Variants in HMGB1 observed in about 807,000 individuals in gnomAD.
HMGB1 encodes the protein high mobility group protein B1.
For synonymous variants in HMGB1, 81 were observed against 84.0 expected (o/e 0.96, Z 0.19); for missense variants, 79 against 253.5 (o/e 0.31, Z 4.67).
chr13:30,518,754 G>GA (rs1888156443), intron 1 of HMGB1, among the ~76,000 whole-genome samples: 1 of 147,438 alleles, frequency 6.8e-6, no homozygotes, highest in South Asian at 2.1e-4. Context: ...GCCTAGGATG[G>GA]AGCACAGTGT....
chr13:30,600,282 G>A (rs748400122), intron 1 of HMGB1, among the ~76,000 whole-genome samples: 3 of 152,212 alleles, frequency 2.0e-5, no homozygotes, highest in African/African-American at 4.8e-5. Flanking sequence ...TCAGATCACA[G>A]TCTTAAAATA....
chr13:30,458,709 T>C lies in HMGB1; in HGVS notation c.*2648A>G, dbSNP rs1886114904. The C allele has an allele frequency of 6.6e-6, 1 of 152,248 alleles. No individual in the cohort carries two copies. The highest frequency in any genetic ancestry group is 2.1e-4 in the South Asian group (1 of 4,836). The allele number at this position is 152,248 out of a possible 1,614,324, so 9.4% of individuals were successfully genotyped here. ...TTCCTTAGGTAGTAAGGGAAATACC[T>C]GTTGAATGGCAGTTTGTGTTACATG... On this transcript the variant is annotated 3_prime_UTR_variant, in exon 5 of 5. Transcript: ENST00000341423.
intron 1 of HMGB1, among the ~76,000 whole-genome samples, chr13:30,603,497 G>A (rs558471335): frequency 2.6e-4 from 40 of 152,280 alleles, no homozygotes; most frequent in African/African-American, 9.1e-4. Flanking sequence ...CTGAGGTTAT[G>A]TTAACATGCT....
At chr13:30,584,149 C>T (rs1871041314) in intron 1 of HMGB1, among the ~76,000 whole-genome samples, 2 of 152,122 alleles carry the variant, frequency 1.3e-5, no homozygotes, top group Non-Finnish European at 2.9e-5. Context: ...AACTTCTTTA[C>T]CCTAATCAAC....
At chr13:30,593,252 C>A (rs1343372655) in intron 1 of HMGB1, among the ~76,000 whole-genome samples, 3 of 152,308 alleles carry the variant, frequency 2.0e-5, no homozygotes, top group Middle Eastern at 3.4e-3. Flanking sequence ...CTGCTCCTGT[C>A]CTCTGTGGCA....
rs1371568488 is a variant in HMGB1, at chr13:30,462,665, C to G, written c.344G>C (p.Gly115Ala). Residue 115 changes from glycine (G) to alanine (A), a missense_variant, in exon 4 of 5, where the codon GGA (glycine) becomes GCA (alanine). Physicochemically the swap from Gly to Ala is moderately conservative, Grantham distance 60 (BLOSUM62 0). Coordinates refer to ENST00000341423, the MANE Select transcript of HMGB1 (RefSeq NM_002128.7). ...FCSEYRPKIKGEHPGLSIGDV... is the reference protein window; with the variant it reads ...FCSEYRPKIKAEHPGLSIGDV... ...ACCAATGGACAGGCCAGGATGTTCTCCTTTGATTTTTGGGCGATACTCAGA... is the reference window on the plus strand; with the variant it reads ...ACCAATGGACAGGCCAGGATGTTCTGCTTTGATTTTTGGGCGATACTCAGA... 1 of 1,612,948 alleles carries G rather than the reference C, an allele frequency of 6.2e-7. No homozygotes were observed. The highest frequency in any genetic ancestry group is 1.3e-5 in the African/African-American group (1 of 74,790).
At chr13:30,464,898 G>T (rs1886654998) in intron 1 of HMGB1, among the ~76,000 whole-genome samples, 1 of 142,936 alleles carries the variant, frequency 7.0e-6, no homozygotes, top group African/African-American at 2.5e-5. Context: ...GAGGGGCGGG[G>T]GGCGCGCGGC....
intron 1 of HMGB1, among the ~76,000 whole-genome samples, chr13:30,568,058 A>C (rs894847306): frequency 1.3e-5 from 2 of 152,132 alleles, no homozygotes; most frequent in African/African-American, 4.8e-5. Context: ...CCTGGGTGGA[A>C]TCTTCCAGGA....
At chr13:30,572,100 T>C (rs910042134) in intron 1 of HMGB1, among the ~76,000 whole-genome samples, 1 of 152,204 alleles carries the variant, frequency 6.6e-6, no homozygotes, top group Non-Finnish European at 1.5e-5. Context: ...AAGAACTGAC[T>C]TTGAGTTAAA....
chr13:30,475,134 CTCTCTT>C (rs1458720381), intron 1 of HMGB1, among the ~76,000 whole-genome samples: 2 of 45,704 alleles, frequency 4.4e-5, no homozygotes, highest in Non-Finnish European at 7.6e-5. Flanking sequence ...CTCTCTCTCT[CTCTCTT>C]TTTTTTTTTT....
intron 4 of HMGB1, 98 bp downstream of exon 4, chr13:30,462,440 T>C: frequency 2.2e-6 from 2 of 916,320 alleles, no homozygotes; most frequent in Non-Finnish European, 1.8e-6. Flanking sequence ...ATACTTAATG[T>C]AGCTGTTACC....
At chr13:30,465,654 C>G in intron 1 of HMGB1, 142 bp downstream of exon 1, 2 of 235,822 alleles carry the variant, frequency 8.5e-6, no homozygotes, top group Non-Finnish European at 1.4e-5. Flanking sequence ...TCGCTCCGTG[C>G]GCAGTTCCCC....
intron 1 of HMGB1, among the ~76,000 whole-genome samples, chr13:30,613,543 T>C (rs1555245821): frequency 6.6e-6 from 1 of 152,242 alleles, no homozygotes; most frequent in Non-Finnish European, 1.5e-5. Context: ...TCTTGCTCAG[T>C]GGCATGATTT....
intron 1 of HMGB1, chr13:30,554,424 G>A (rs1393687157): frequency 2.4e-6 from 2 of 833,800 alleles, no homozygotes; most frequent in African/African-American, 3.3e-5. Flanking sequence ...TTGAACATGA[G>A]AAAATACTGA....
chr13:30,612,966 G>A (rs771071976), intron 1 of HMGB1, among the ~76,000 whole-genome samples: 3 of 152,166 alleles, frequency 2.0e-5, no homozygotes, highest in Non-Finnish European at 4.4e-5. Context: ...GTCCAATTAC[G>A]AGAATATACT....
At chr13:30,469,746 T>A (rs1053801586), upstream of HMGB1, among the ~76,000 whole-genome samples, 10 of 152,212 alleles carry the variant, frequency 6.6e-5, no homozygotes, top group African/African-American at 2.4e-4. Flanking sequence ...TTCCCCTGCC[T>A]CAGCCTCCCG....
intron 1 of HMGB1, among the ~76,000 whole-genome samples, chr13:30,546,892 T>C (rs560963010): frequency 6.6e-6 from 1 of 152,390 alleles, no homozygotes; most frequent in East Asian, 1.9e-4. Flanking sequence ...GAAACTTGAC[T>C]CTTAACTAAC....
chr13:30,549,198 G>A (rs531683738), intron 1 of HMGB1, among the ~76,000 whole-genome samples: 2 of 152,158 alleles, frequency 1.3e-5, no homozygotes, highest in Admixed American at 1.3e-4. Flanking sequence ...TCAGGTGCTC[G>A]CTTGGGTCCA....
intron 1 of HMGB1, among the ~76,000 whole-genome samples, chr13:30,535,472 T>C (rs971161462): frequency 5.3e-5 from 8 of 152,242 alleles, no homozygotes; most frequent in African/African-American, 1.9e-4. Context: ...CATCTTTTCC[T>C]CCATGCTTCT....
Sources: gnomAD v4.1 joint callset for allele counts (sites outside exome capture counted in the v4.1 genomes callset) on GRCh38, gnomAD v4.1.1 for gene constraint, MANE v1.5 for transcripts, NCBI Gene and HGNC (gene_info 2026-07-23, HGNC 2026-07-21) for gene names.